Variants in JADE3 observed in about 807,000 individuals in gnomAD.
JADE3 encodes protein Jade-3.
Under a neutral mutation model 50.1 loss-of-function variants are expected in JADE3, and 2 were observed. That is an observed-to-expected ratio of 0.04 (90% CI 0.02 to 0.13). The LOEUF (loss-of-function observed/expected upper bound fraction) is 0.13, where lower values mean the gene tolerates loss of function less well. Ranked by LOEUF, JADE3 falls within the 10% of genes least tolerant of loss-of-function variation. JADE3 has a pLI of 1.00. For synonymous variants in JADE3, 218 were observed against 232.9 expected, an observed-to-expected ratio of 0.94 and a Z score of 0.58; for missense variants, 475 against 634.4, an observed-to-expected ratio of 0.75 and a Z score of 2.70.
intron 1 of JADE3, among the ~76,000 whole-genome samples, chrX:46,963,926 C>A (rs1311289734): frequency 4.5e-5 from 5 of 112,055 alleles, no homozygotes; most frequent in African/African-American, 1.6e-4. Context: ...AGAATTGGGG[C>A]CATTTTTGCT....
intron 1 of JADE3, among the ~76,000 whole-genome samples, chrX:46,938,159 T>A (rs1207444319): frequency 2.7e-5 from 3 of 111,957 alleles, no homozygotes; most frequent in Admixed American, 1.9e-4. Flanking sequence ...TAAATTGTAA[T>A]GTTTAGACCA....
At chrX:47,022,872 A>G (rs1488913452) in intron 4 of JADE3, among the ~76,000 whole-genome samples, 1 of 110,924 alleles carries the variant, frequency 9.0e-6, no homozygotes, top group African/African-American at 3.3e-5. Flanking sequence ...GGTGAGGGGA[A>G]ATATCAGTCT....
chrX:47,010,856 A>G (rs782203712), intron 4 of JADE3, among the ~76,000 whole-genome samples: 34 of 111,407 alleles, frequency 3.1e-4, no homozygotes, highest in Non-Finnish European at 4.3e-4. Context: ...TTATTTTTTC[A>G]TAGTTCTAGA....
intron 1 of JADE3, among the ~76,000 whole-genome samples, chrX:46,972,448 G>A (rs781875860): frequency 1.8e-5 from 2 of 111,721 alleles, no homozygotes; most frequent in Non-Finnish European, 3.8e-5. Flanking sequence ...TGTCTGCCTC[G>A]GCCTCCCAAA....
In JADE3 at chrX:47,004,967, G is replaced by A. The variant is rs939971940; in HGVS notation, c.284+6690G>A. ...TGCTTTTCCCTATGCCTCCCACTAA[G>A]TACAATTAAAAACCCTGAGCATTTT... is the stretch of plus-strand genomic sequence containing the variant. On this transcript the variant is annotated intron_variant, in intron 4 of 10. Coordinates refer to ENST00000614628, the MANE Select transcript of JADE3 (RefSeq NM_014735.5). 5.4e-5 allele frequency among the ~76,000 whole-genome samples: 6 copies of A among 111,655 alleles called. 1 individual carries two copies. Among genetic ancestry groups the A allele is most frequent in the Admixed American group, 9.6e-5 (1 of 10,462 alleles).
intron 1 of JADE3, among the ~76,000 whole-genome samples, chrX:46,916,892 T>A (rs1462705636): frequency 9.0e-6 from 1 of 111,280 alleles, no homozygotes; most frequent in Non-Finnish European, 1.9e-5. Context: ...GAAGTAGATC[T>A]CTGGGAGTCA....
intron 4 of JADE3, among the ~76,000 whole-genome samples, chrX:47,000,481 T>A (rs1236789749): frequency 8.9e-6 from 1 of 111,851 alleles, no homozygotes; most frequent in Non-Finnish European, 1.9e-5. Flanking sequence ...TTAAAAATGT[T>A]ATCTGATAAG....
intron 1 of JADE3, among the ~76,000 whole-genome samples, chrX:46,955,062 T>G (rs1556346076): frequency 8.9e-6 from 1 of 112,613 alleles, no homozygotes; most frequent in East Asian, 2.8e-4. Flanking sequence ...TTACTCCTAT[T>G]GAAATCCCTT....
At chrX:46,965,635 T>C in intron 1 of JADE3, among the ~76,000 whole-genome samples, 1 of 111,211 alleles carries the variant, frequency 9.0e-6, no homozygotes, top group Non-Finnish European at 1.9e-5. Context: ...TTGCTGAGCC[T>C]TATAAGAATT....
chrX:46,980,717 T>G (rs1192448396), intron 1 of JADE3, among the ~76,000 whole-genome samples: 1 of 111,805 alleles, frequency 8.9e-6, no homozygotes, highest in African/African-American at 3.3e-5. Flanking sequence ...TTTTTGTAAA[T>G]ATTTTATAAT....
At chrX:46,934,997 G>A (rs781960599) in intron 1 of JADE3, among the ~76,000 whole-genome samples, 6 of 111,334 alleles carry the variant, frequency 5.4e-5, no homozygotes, top group East Asian at 2.8e-4. Flanking sequence ...ACAGTGGTGC[G>A]ATCTCAGCAC....
chrX:47,040,688 C>T (rs1197420883), intron 8 of JADE3, among the ~76,000 whole-genome samples: 1 of 112,009 alleles, frequency 8.9e-6, no homozygotes, highest in African/African-American at 3.2e-5. Context: ...TTATCTTTCA[C>T]AAAACTGGTC....
chrX:47,033,574 G>A (rs1213242779), intron 6 of JADE3, 47 bp from the exon 7 acceptor site: 1 of 1,066,388 alleles, frequency 9.4e-7, no homozygotes, highest in Non-Finnish European at 1.3e-6. Context: ...TACCAACCCT[G>A]GTGAGAAGGT....
intron 1 of JADE3, among the ~76,000 whole-genome samples, chrX:46,936,533 G>C (rs1457714344): frequency 9.0e-6 from 1 of 111,492 alleles, no homozygotes; most frequent in Non-Finnish European, 1.9e-5. Context: ...TATTCTGGAA[G>C]AGATCTTGTA....
At chrX:47,000,348 G>A (rs782176047) in intron 4 of JADE3, among the ~76,000 whole-genome samples, 3 of 110,712 alleles carry the variant, frequency 2.7e-5, no homozygotes, top group East Asian at 2.8e-4. Context: ...TTGATACTCC[G>A]AGGATTATTG....
intron 8 of JADE3, among the ~76,000 whole-genome samples, chrX:47,045,262 AGCAGG>A (rs1383341242): frequency 8.9e-6 from 1 of 112,097 alleles, no homozygotes; most frequent in Non-Finnish European, 1.9e-5. Flanking sequence ...GAAATCAAAA[AGCAGG>A]AGTAGCTATA....
At chrX:47,045,970 A>G (rs1929361078) in intron 8 of JADE3, among the ~76,000 whole-genome samples, 1 of 111,443 alleles carries the variant, frequency 9.0e-6, no homozygotes, top group Admixed American at 9.6e-5. Flanking sequence ...CTTATGATGC[A>G]TCTTAAAGAA....
At chrX:46,955,495 C>T (rs1556346130) in intron 1 of JADE3, among the ~76,000 whole-genome samples, 1 of 112,213 alleles carries the variant, frequency 8.9e-6, no homozygotes, top group Admixed American at 9.4e-5. Context: ...ACTCTCTTGC[C>T]TATAATAACT....
chrX:46,920,466 A>G (rs188015917), intron 1 of JADE3, among the ~76,000 whole-genome samples: 3 of 112,811 alleles, frequency 2.7e-5, no homozygotes, highest in African/African-American at 9.6e-5. Flanking sequence ...CACCTGTCGA[A>G]GGACGACTTA....
Sources: allele counts gnomAD v4.1 joint callset (sites outside exome capture counted in the v4.1 genomes callset), GRCh38; gene constraint gnomAD v4.1.1; transcripts MANE v1.5; gene names NCBI Gene and HGNC (gene_info 2026-07-23, HGNC 2026-07-21).